The following PALS2 variants were observed in gnomAD, a reference collection of about 807,000 sequenced individuals.
PALS2 encodes protein associated with LIN7 2, MAGUK p55 family member.
PALS2 carries 27 observed loss-of-function variants against 61.6 expected under a neutral mutation model. The observed-to-expected ratio is 0.44, with a 90% confidence interval of 0.32 to 0.60. The LOEUF (loss-of-function observed/expected upper bound fraction) is 0.60. Among genes scored for constraint, PALS2 ranks in the 20% least tolerant of loss-of-function variants. PALS2 has a pLI of 0.05. For synonymous variants in PALS2, 236 were observed against 218.6 expected, an observed-to-expected ratio of 1.08 and a Z score of -0.70; for missense variants, 554 against 639.4, an observed-to-expected ratio of 0.87 and a Z score of 1.44.
At chr7:24,577,216 T>G (rs1233456513) in intron 1 of PALS2, among the ~76,000 whole-genome samples, 1 of 151,924 alleles carries the variant, frequency 6.6e-6, no homozygotes, top group Non-Finnish European at 1.5e-5. Flanking sequence ...GTTATTTTCC[T>G]TCTTTCCTTT....
intron 3 of PALS2, among the ~76,000 whole-genome samples, chr7:24,645,239 G>T (rs1187133277): frequency 1.3e-5 from 2 of 151,662 alleles, no homozygotes; most frequent in Non-Finnish European, 3.0e-5. Context: ...TGCGCAGGTT[G>T]TCTTCTGGGG....
intron 10 of PALS2, 50 bp from the exon 11 acceptor site, chr7:24,680,342 T>C: frequency 3.9e-6 from 6 of 1,555,984 alleles, no homozygotes; most frequent in Non-Finnish European, 5.3e-6. Flanking sequence ...GGTAGCAGAA[T>C]TCTAGTTCTA....
At chr7:24,598,710 A>G (rs1318561747) in intron 1 of PALS2, among the ~76,000 whole-genome samples, 1 of 152,194 alleles carries the variant, frequency 6.6e-6, no homozygotes, top group East Asian at 1.9e-4. Context: ...GCAAGGTTTT[A>G]TGTGTACACA....
At chr7:24,673,112 G>T (rs886330804) in intron 9 of PALS2, among the ~76,000 whole-genome samples, 13 of 152,142 alleles carry the variant, frequency 8.5e-5, no homozygotes, top group African/African-American at 2.9e-4. Flanking sequence ...TACCAAGAAA[G>T]GGTACTAGAT....
chr7:24,604,865 TA>T (rs1783842089), intron 1 of PALS2, among the ~76,000 whole-genome samples: 1 of 152,156 alleles, frequency 6.6e-6, no homozygotes, highest in South Asian at 2.1e-4. Context: ...GCCTAGGCCA[TA>T]GCACTGATCA....
At chr7:24,644,902 A>G (rs1785751439) in intron 3 of PALS2, among the ~76,000 whole-genome samples, 1 of 151,908 alleles carries the variant, frequency 6.6e-6, no homozygotes, top group Admixed American at 6.6e-5. Context: ...GATCAGTGAT[A>G]TTGAGCTTTT....
chr7:24,663,556 A>C, intron 5 of PALS2, 34 bp from the exon 6 acceptor site: 1 of 1,535,876 alleles, frequency 6.5e-7, no homozygotes, highest in Non-Finnish European at 8.8e-7. Context: ...AAGTGATACA[A>C]CTATAGTATT....
intron 11 of PALS2, among the ~76,000 whole-genome samples, chr7:24,686,774 A>G (rs926608229): frequency 1.3e-5 from 2 of 152,242 alleles, no homozygotes; most frequent in Non-Finnish European, 2.9e-5. Flanking sequence ...ATGTAGAGGT[A>G]TAGTGAAATT....
intron 7 of PALS2, 120 bp downstream of exon 7, chr7:24,665,807 G>A (rs898594597): frequency 5.1e-6 from 5 of 982,856 alleles, no homozygotes; most frequent in South Asian, 1.7e-5. Context: ...CCCTCCCTCT[G>A]CTTTCTCTCG....
intron 1 of PALS2, among the ~76,000 whole-genome samples, chr7:24,609,354 T>C (rs7805228): frequency 0.063 from 9,607 of 152,194 alleles, 354 homozygotes; most frequent in African/African-American, 0.093. Flanking sequence ...TTCAGATTTA[T>C]AGGCAGAGAG....
intron 1 of PALS2, among the ~76,000 whole-genome samples, chr7:24,611,976 G>A (rs554999021): frequency 1.1e-4 from 16 of 152,132 alleles, no homozygotes; most frequent in African/African-American, 3.6e-4. Context: ...ATTAGGGGGT[G>A]ATGGAAAGAA....
At chr7:24,681,271 G>T (rs1392072585) in intron 11 of PALS2, among the ~76,000 whole-genome samples, 1 of 152,026 alleles carries the variant, frequency 6.6e-6, no homozygotes, top group Non-Finnish European at 1.5e-5. Context: ...ACAAAAGAGG[G>T]AATAAATGAG....
At chr7:24,612,328 T>A (rs111999646) in intron 1 of PALS2, among the ~76,000 whole-genome samples, 44 of 152,062 alleles carry the variant, frequency 2.9e-4, no homozygotes, top group African/African-American at 1.0e-3. Context: ...ACTGCACTAT[T>A]TGAATATACA....
In PALS2 at chr7:24,657,854, C is replaced by A. The variant is rs189028756; in HGVS notation, c.652-5736C>A. ...ATGCTGTACCTCTGAGTCTATGATA[C>A]GTGTACTGTATGTTAATTTTTATAT... is the stretch of plus-strand genomic sequence containing the variant. On this transcript the variant is annotated intron_variant, in intron 5 of 11. Coordinates refer to ENST00000222644, the MANE Select transcript of PALS2 (RefSeq NM_001303037.2). 3.5e-4 allele frequency among the ~76,000 whole-genome samples: 54 copies of A among 152,120 alleles called. No homozygotes were observed. In the East Asian group the frequency reaches 0.01, roughly 28 times the overall value.
intron 1 of PALS2, among the ~76,000 whole-genome samples, chr7:24,591,963 C>G (rs1026088356): frequency 6.6e-6 from 1 of 151,338 alleles, no homozygotes; most frequent in African/African-American, 2.4e-5. Context: ...TTTGTGAAAT[C>G]ACAAACAACA....
chr7:24,627,121 T>TAAAA (rs919629139), intron 2 of PALS2, among the ~76,000 whole-genome samples: 1 of 151,936 alleles, frequency 6.6e-6, no homozygotes, highest in African/African-American at 2.4e-5. Context: ...TAATTGGAAG[T>TAAAA]CAGTCCTCAG....
intron 1 of PALS2, among the ~76,000 whole-genome samples, chr7:24,600,403 A>G (rs992595577): frequency 1.3e-5 from 2 of 152,206 alleles, no homozygotes; most frequent in Non-Finnish European, 2.9e-5. Flanking sequence ...ATCTTACATA[A>G]CAAGATCCAT....
chr7:24,613,623 C>T (rs76300852), intron 1 of PALS2, among the ~76,000 whole-genome samples: 9,581 of 151,846 alleles, frequency 0.063, 351 homozygotes, highest in African/African-American at 0.093. Context: ...TCTTCAGCCG[C>T]TTGAAAATGT....
chr7:24,687,362 A>G lies in PALS2; in HGVS notation c.1447-76A>G. 9.2e-7 allele frequency: 1 copy of G among 1,091,592 alleles called. No individual in the cohort carries two copies. Among genetic ancestry groups the G allele is most frequent in the East Asian group, 2.4e-5 (1 of 41,434 alleles). The allele number at this position is 1,091,592 out of a possible 1,614,324, so 67.6% of individuals were successfully genotyped here. On this transcript the variant is annotated intron_variant, in intron 11 of 11. Coordinates refer to ENST00000222644, the MANE Select transcript of PALS2 (RefSeq NM_001303037.2). The surrounding 1 kb of genome is among the most constrained non-coding windows in gnomAD (Gnocchi z 4.5). ...GAAATATATCTAACCTATTTATTAT[A>G]TTCACTTCTAGTTGGAGTTTGAGCA...
Sources: gnomAD v4.1 joint callset for allele counts (sites outside exome capture counted in the v4.1 genomes callset) on GRCh38, gnomAD v4.1.1 for gene constraint, Gnocchi (gnomAD v3.1) non-coding constraint, MANE v1.5 for transcripts, NCBI Gene and HGNC (gene_info 2026-07-23, HGNC 2026-07-21) for gene names.